Variants in NCAM1 observed in about 807,000 individuals in gnomAD.
NCAM1 encodes the protein neural cell adhesion molecule 1.
A neutral mutation model predicts 109.8 loss-of-function variants in NCAM1; 14 were observed. The ratio of observed to expected loss-of-function variants is 0.13; its 90% CI spans 0.08 to 0.20. The LOEUF is 0.20. Ranked by LOEUF, NCAM1 falls within the 10% of genes least tolerant of loss-of-function variation. The pLI is 1.00. For synonymous variants in NCAM1, 418 were observed against 442.9 expected, an observed-to-expected ratio of 0.94 and a Z score of 0.70; for missense variants, 774 against 1,109.9, an observed-to-expected ratio of 0.70 and a Z score of 4.30.
chr11:113,055,483 G>T (rs2135435693), intron 1 of NCAM1, among the ~76,000 whole-genome samples: 1 of 152,254 alleles, frequency 6.6e-6, no homozygotes, highest in East Asian at 1.9e-4. Context: ...TCATATCCAG[G>T]AAGATAAAAA....
chr11:113,209,061 C>T (rs554226619), intron 7 of NCAM1, among the ~76,000 whole-genome samples: 7 of 152,194 alleles, frequency 4.6e-5, no homozygotes, highest in African/African-American at 9.7e-5. Context: ...TGCAGAGAAA[C>T]GTTTAACCTA....
rs71060298 is a variant in NCAM1 at position 113,271,369 on chromosome 11, CAAAAAAAAA to C, written c.2340-372_2340-364del. Among the ~76,000 whole-genome samples, 45 of 66,890 alleles carry C rather than the reference CAAAAAAAAA, an allele frequency of 6.7e-4. 1 individual carries two copies. The South Asian group carries it at 0.033, about 49-fold the overall frequency. 43.9% of individuals were successfully genotyped at this position (66,890 alleles called of 152,430 possible). On this transcript the variant is annotated intron_variant, in intron 18 of 19. Coordinates refer to ENST00000316851, the MANE Select transcript of NCAM1 (RefSeq NM_181351.5). ...TGGGCGACATAGAGAGACTCTGTCT[CAAAAAAAAA>C]AAAAAAAAAAAAAAAAAAGAAAAGG...
rs1555125005 is a variant in NCAM1, at chr11:113,270,210, C to A, written c.2154C>A (p.Gly718=). 6.2e-7 allele frequency: 1 copy of A among 1,614,032 alleles called. No homozygotes were observed. Among genetic ancestry groups the A allele is most frequent in the Non-Finnish European group, 8.5e-7 (1 of 1,179,906 alleles). Residue 718 remains glycine, a synonymous_variant, in exon 18 of 20, where the codon GGC becomes GGA. Transcript: ENST00000316851. The part of the protein sequence containing the change: ...AIPANGSPTS[G]LSTGAIVGIL... ...AAGCCAACGGCAGCCCCACCTCAGGCCTGAGCACCGGGGCCATCGTGGGCA... is the reference window on the plus strand; with the variant it reads ...AAGCCAACGGCAGCCCCACCTCAGGACTGAGCACCGGGGCCATCGTGGGCA...
chr11:113,102,519 T>C (rs782552350), intron 1 of NCAM1, among the ~76,000 whole-genome samples: 10 of 152,190 alleles, frequency 6.6e-5, no homozygotes, highest in Non-Finnish European at 1.2e-4. Context: ...GGAGGTGACA[T>C]TTATCCCAGC....
chr11:113,026,732 A>G (rs1438682375), intron 1 of NCAM1, among the ~76,000 whole-genome samples: 1 of 152,200 alleles, frequency 6.6e-6, no homozygotes, highest in Admixed American at 6.5e-5. Flanking sequence ...CTCATCTTTA[A>G]GATCGTAGTA....
chr11:113,123,269 C>A (rs1941042249), intron 1 of NCAM1, among the ~76,000 whole-genome samples: 1 of 152,120 alleles, frequency 6.6e-6, no homozygotes, highest in Non-Finnish European at 1.5e-5. Context: ...AATCTAAACA[C>A]CCTGGTTTGA....
At chr11:113,168,687 A>G (rs782236069) in intron 1 of NCAM1, among the ~76,000 whole-genome samples, 1 of 152,202 alleles carries the variant, frequency 6.6e-6, no homozygotes, top group Non-Finnish European at 1.5e-5. Context: ...AGTAGGAAGA[A>G]ATTCTGTTTC....
Position 112,961,554 on chromosome 11 carries a change from AGGG to A in NCAM1, c.-51_-49del. 3 of 942,256 alleles carry A rather than the reference AGGG, an allele frequency of 3.2e-6. No individual in the cohort carries two copies. Among genetic ancestry groups the A allele is most frequent in the Non-Finnish European group, 5.0e-6 (3 of 601,432 alleles). 58.4% of individuals were successfully genotyped at this position (942,256 alleles called of 1,614,324 possible). ...CTCAGCCGCCGTCCACACTCGCTGC[AGGG>A]GGGGGGGCACAGAATTTACCGCGGC... On this transcript the variant is annotated 5_prime_UTR_variant, in exon 1 of 20. Coordinates refer to ENST00000316851, the MANE Select transcript of NCAM1 (RefSeq NM_181351.5).
chr11:113,160,699 C>T (rs1414938202), intron 1 of NCAM1, among the ~76,000 whole-genome samples: 3 of 152,180 alleles, frequency 2.0e-5, no homozygotes, highest in Non-Finnish European at 4.4e-5. Flanking sequence ...ATCATGAGCA[C>T]TTAAAATGAT....
chr11:113,254,635 T>C (rs1555121969), intron 15 of NCAM1, among the ~76,000 whole-genome samples: 1 of 152,204 alleles, frequency 6.6e-6, no homozygotes, highest in East Asian at 1.9e-4. Flanking sequence ...TGCAGCCGTC[T>C]CATAAATGGC....
chr11:113,170,847 G>A (rs1018930558), intron 1 of NCAM1, among the ~76,000 whole-genome samples: 7 of 152,150 alleles, frequency 4.6e-5, no homozygotes, highest in African/African-American at 1.4e-4. Context: ...TTCCAATACC[G>A]CTAAAAGCTA....
intron 17 of NCAM1, chr11:113,265,246 G>A (rs1946114033): frequency 3.6e-6 from 3 of 826,638 alleles, no homozygotes; most frequent in South Asian, 1.1e-4. Context: ...TGACAAAGCA[G>A]CAAAGACCCT....
At chr11:113,249,865 C>T (rs1945614434) in intron 15 of NCAM1, among the ~76,000 whole-genome samples, 1 of 152,146 alleles carries the variant, frequency 6.6e-6, no homozygotes, top group Non-Finnish European at 1.5e-5. Context: ...CACCGTACCC[C>T]AACACATACT....
At chr11:113,031,471 C>T (rs1047070404) in intron 1 of NCAM1, among the ~76,000 whole-genome samples, 3 of 152,070 alleles carry the variant, frequency 2.0e-5, no homozygotes, top group Non-Finnish European at 2.9e-5. Context: ...GCGGGCAGAT[C>T]GCCTGAGGTC....
chr11:113,034,788 AG>A (rs1319115855), intron 1 of NCAM1, among the ~76,000 whole-genome samples: 56 of 152,350 alleles, frequency 3.7e-4, no homozygotes, highest in African/African-American at 1.3e-3. Flanking sequence ...GGGAGGCGTC[AG>A]TGTGACTAAC....
At chr11:113,239,345 A>G (rs568128642) in intron 14 of NCAM1, among the ~76,000 whole-genome samples, 2 of 152,008 alleles carry the variant, frequency 1.3e-5, no homozygotes, top group East Asian at 3.9e-4. Context: ...CTTGTGTCAG[A>G]CTCCTTACAA....
At chr11:113,000,994 C>T (rs1315599135) in intron 1 of NCAM1, among the ~76,000 whole-genome samples, 2 of 151,874 alleles carry the variant, frequency 1.3e-5, no homozygotes, top group Non-Finnish European at 2.9e-5. Context: ...TCCATGTCTT[C>T]AATGTAAATT....
intron 1 of NCAM1, among the ~76,000 whole-genome samples, chr11:113,040,551 C>A (rs77032557): frequency 6.6e-6 from 1 of 152,114 alleles, no homozygotes; most frequent in Non-Finnish European, 1.5e-5. Flanking sequence ...AAACAGAAGG[C>A]GGGTGAATTT....
At chr11:113,251,310 G>A (rs1555121263) in intron 15 of NCAM1, among the ~76,000 whole-genome samples, 1 of 152,196 alleles carries the variant, frequency 6.6e-6, no homozygotes, top group African/African-American at 2.4e-5. Flanking sequence ...AACTCCTGGG[G>A]CTTCTGCTGA....
Sources: allele counts gnomAD v4.1 joint callset (sites outside exome capture counted in the v4.1 genomes callset), GRCh38; gene constraint gnomAD v4.1.1; transcripts MANE v1.5; gene names NCBI Gene and HGNC (gene_info 2026-07-23, HGNC 2026-07-21).